The following DLGAP2 variants were observed in gnomAD, a reference collection of about 807,000 sequenced individuals.
DLGAP2 encodes DLG associated protein 2.
Under a neutral mutation model 100.3 loss-of-function variants are expected in DLGAP2, and 26 were observed. That is an observed-to-expected ratio of 0.26 (90% CI 0.19 to 0.36). DLGAP2 has a LOEUF of 0.36. DLGAP2 is among the 10% of genes least tolerant of loss of function. The pLI is 1.00. For synonymous variants in DLGAP2, 886 were observed against 630.1 expected, an observed-to-expected ratio of 1.41 and a Z score of -6.08; for missense variants, 1,858 against 1,453.2, an observed-to-expected ratio of 1.28 and a Z score of -4.53.
chr8:1,147,957 G>C (rs1796635555), intron 2 of DLGAP2, among the ~76,000 whole-genome samples: 1 of 151,986 alleles, frequency 6.6e-6, no homozygotes, highest in Non-Finnish European at 1.5e-5. Context: ...AAATCCCTTT[G>C]ATTTGGAATT....
At chr8:1,541,569 C>G (rs1307648610) in intron 4 of DLGAP2, among the ~76,000 whole-genome samples, 2 of 152,126 alleles carry the variant, frequency 1.3e-5, no homozygotes, top group Non-Finnish European at 2.9e-5. Flanking sequence ...TAAAGGCAAA[C>G]CTCAAACAGA....
intron 2 of DLGAP2, among the ~76,000 whole-genome samples, chr8:1,144,680 C>T (rs1796575401): frequency 2.0e-5 from 3 of 152,222 alleles, no homozygotes; most frequent in Admixed American, 2.0e-4. Context: ...GCTGTGAATA[C>T]AGGCCCTGTC....
chr8:1,252,534 G>A (rs973958217), intron 2 of DLGAP2, among the ~76,000 whole-genome samples: 6 of 152,154 alleles, frequency 3.9e-5, no homozygotes, highest in Admixed American at 2.0e-4. Context: ...GTGTTGTCAC[G>A]TGGTGTGTTG....
At chr8:1,417,465 G>C (rs1043050629) in intron 3 of DLGAP2, among the ~76,000 whole-genome samples, 2 of 152,198 alleles carry the variant, frequency 1.3e-5, no homozygotes, top group Non-Finnish European at 2.9e-5. Context: ...TTCTCTTACT[G>C]TGAAGGTTAA....
rs543927636 is a variant in DLGAP2 at position 1,163,781 on chromosome 8, C to G, written c.74-95070C>G. On this transcript the variant is annotated intron_variant, in intron 2 of 14. Coordinates refer to ENST00000637795, the MANE Select transcript of DLGAP2 (RefSeq NM_001346810.2). ...GCAGGACTTTCCTGCCTTCTGTTTT[C>G]TAAATGGCAGCGGTGAGGAAGCAGC... Among the ~76,000 whole-genome samples, 3 of 152,194 alleles carry G rather than the reference C, an allele frequency of 2.0e-5. 1 individual carries two copies. Among genetic ancestry groups the G allele is most frequent in the South Asian group, 4.1e-4 (2 of 4,828 alleles).
intron 2 of DLGAP2, chr8:1,137,886 G>T (rs1366538951): frequency 1.3e-5 from 2 of 152,236 alleles, no homozygotes; most frequent in Non-Finnish European, 2.9e-5. Context: ...TGCCTCCGGG[G>T]TTCAAGCAGT....
At position 1,691,490 on chromosome 8, in the gene DLGAP2, G is replaced by C. The variant is rs75502734; in HGVS notation, c.2705-45G>C. The C allele has an allele frequency of 3.2e-6, 5 of 1,544,864 alleles. No individual in the cohort carries two copies. The African/African-American group carries it at 4.1e-5, about 13-fold the overall frequency. On this transcript the variant is annotated intron_variant, in intron 12 of 14. Coordinates refer to ENST00000637795, the MANE Select transcript of DLGAP2 (RefSeq NM_001346810.2). ...TTTCTGCTTTTGTGTAATTGACCCA[G>C]TTTTGAAGTTGTTGTTTTTTTGTTT...
At chr8:1,573,936 G>A (rs1189389156) in intron 6 of DLGAP2, among the ~76,000 whole-genome samples, 1 of 152,132 alleles carries the variant, frequency 6.6e-6, no homozygotes, top group East Asian at 1.9e-4. Context: ...AAGTGGCGTA[G>A]GTAACTTACA....
intron 2 of DLGAP2, among the ~76,000 whole-genome samples, chr8:960,268 C>T (rs71516126): frequency 0.37 from 15,025 of 40,632 alleles, 1,342 homozygotes; most frequent in East Asian, 0.52. Flanking sequence ...GACACTCTCA[C>T]GCTGTCGTCC....
At chr8:823,878 CTTG>C (rs1796634585) in intron 1 of DLGAP2, among the ~76,000 whole-genome samples, 4 of 152,154 alleles carry the variant, frequency 2.6e-5, no homozygotes, top group Admixed American at 2.0e-4. Flanking sequence ...CTCTCGTTCT[CTTG>C]TTGTGCGATG....
At chr8:1,591,553 C>G (rs1040173724) in intron 6 of DLGAP2, among the ~76,000 whole-genome samples, 1 of 150,922 alleles carries the variant, frequency 6.6e-6, no homozygotes, top group Non-Finnish European at 1.5e-5. Context: ...TCCACCTCCA[C>G]TGTTCACCCC....
intron 1 of DLGAP2, among the ~76,000 whole-genome samples, chr8:763,234 TA>T (rs1339410994): frequency 6.6e-6 from 1 of 152,212 alleles, no homozygotes; most frequent in Non-Finnish European, 1.5e-5. Flanking sequence ...GGACTGGGGT[TA>T]ACCCGCACTT....
chr8:914,944 G>C (rs1798559764), intron 2 of DLGAP2, among the ~76,000 whole-genome samples: 1 of 152,112 alleles, frequency 6.6e-6, no homozygotes, highest in South Asian at 2.1e-4. Flanking sequence ...TTCATCCTTG[G>C]GGGTGTCAGG....
intron 6 of DLGAP2, among the ~76,000 whole-genome samples, chr8:1,599,075 A>C (rs4876101): frequency 0.74 from 112,213 of 151,842 alleles, 41,712 homozygotes; most frequent in East Asian, 0.92. Flanking sequence ...TGTCTTTGTT[A>C]TTGTTGGTTC....
At chr8:1,197,832 C>G (rs2116748491) in intron 2 of DLGAP2, among the ~76,000 whole-genome samples, 1 of 152,330 alleles carries the variant, frequency 6.6e-6, no homozygotes, top group Non-Finnish European at 1.5e-5. Flanking sequence ...AGCGTTCCCT[C>G]CCATGGGGGA....
At chr8:1,065,478 C>G (rs1350698874) in intron 2 of DLGAP2, among the ~76,000 whole-genome samples, 1 of 152,214 alleles carries the variant, frequency 6.6e-6, no homozygotes, top group Non-Finnish European at 1.5e-5. Flanking sequence ...GTTTCTGTCT[C>G]TTATCACACA....
In DLGAP2 at chr8:1,559,193, A is replaced by G. The variant is rs112236188; in HGVS notation, c.1231-6490A>G. Among the ~76,000 whole-genome samples the G allele has an allele frequency of 5.2e-3, 798 of 152,318 alleles. 3 individuals carry two copies. The highest frequency in any genetic ancestry group is 7.8e-3 in the Non-Finnish European group (528 of 68,024). The stretch of plus-strand genomic sequence containing the variant: ...TAGGTACAAGGAGGTAATTAGGGTA[A>G]TTGATTGGCGTTAAATGCAGCAGGG... On this transcript the variant is annotated intron_variant, in intron 5 of 14. Coordinates refer to ENST00000637795, the MANE Select transcript of DLGAP2 (RefSeq NM_001346810.2).
rs752947994 is a variant in DLGAP2 at position 1,349,715 on chromosome 8, C to A, written c.106+90832C>A. Among the ~76,000 whole-genome samples, 12 of 151,850 alleles carry A rather than the reference C, an allele frequency of 7.9e-5. 2 individuals carry two copies. Among genetic ancestry groups the A allele is most frequent in the Non-Finnish European group, 1.6e-4 (11 of 67,908 alleles). The stretch of plus-strand genomic sequence containing the variant: ...GCCCACATCCACGCATGTCATGAGC[C>A]TCCCGCCCACATCCACACACAGGTA... On this transcript the variant is annotated intron_variant, in intron 3 of 14. Coordinates refer to ENST00000637795, the MANE Select transcript of DLGAP2 (RefSeq NM_001346810.2).
In DLGAP2 at chr8:1,467,490, C is replaced by T. The variant is rs542443813; in HGVS notation, c.107-33876C>T. Among the ~76,000 whole-genome samples, 7 of 152,108 alleles carry T rather than the reference C, an allele frequency of 4.6e-5. No individual in the cohort carries two copies. The East Asian group carries it at 5.8e-4, about 13-fold the overall frequency. On this transcript the variant is annotated intron_variant, in intron 3 of 14. Coordinates refer to ENST00000637795, the MANE Select transcript of DLGAP2 (RefSeq NM_001346810.2). ...CTAGACCCGTTGAAGGCAGGGACTCCGTGACCTCGGCTCCAGACCCCCATT... is the reference window on the plus strand; with the variant it reads ...CTAGACCCGTTGAAGGCAGGGACTCTGTGACCTCGGCTCCAGACCCCCATT...
Sources: allele counts gnomAD v4.1 joint callset (sites outside exome capture counted in the v4.1 genomes callset), GRCh38; gene constraint gnomAD v4.1.1; transcripts MANE v1.5; gene names NCBI Gene and HGNC (gene_info 2026-07-23, HGNC 2026-07-21).